Variants in SVBP observed in about 807,000 individuals in gnomAD.
SVBP encodes small vasohibin binding protein, also known as small vasohibin-binding protein.
SVBP carries 9 observed loss-of-function variants against 9.2 expected under a neutral mutation model. The observed-to-expected ratio is 0.98, with a 90% CI of 0.59 to 1.71. The LOEUF is 1.71. Ranked by LOEUF, SVBP falls within the 40% of genes most tolerant of loss-of-function variation. The pLI is 0.00. For synonymous variants in SVBP, 27 were observed against 23.9 expected (o/e 1.13, Z -0.37); for missense variants, 63 against 73.2 (o/e 0.86, Z 0.51).
At position 42,813,151 on chromosome 1, in the gene SVBP, TGAG is replaced by T. The variant is rs34028241; in HGVS notation, c.114+3277_114+3279del. 3.2e-3 allele frequency among the ~76,000 whole-genome samples: 483 copies of T among 152,334 alleles called. 6 individuals carry two copies. In the South Asian group the frequency reaches 0.032, roughly 10 times the overall value. On this transcript the variant is annotated intron_variant, in intron 2 of 2. Coordinates refer to ENST00000372521, the MANE Select transcript of SVBP (RefSeq NM_199342.4). Reference sequence around the variant, plus strand: ...AAAGCCATTTGAAAGTACTGAAGAATGAGGAGTATTTTTTTTCTACTGATGAAA... The same window carrying T: ...AAAGCCATTTGAAAGTACTGAAGAATGAGTATTTTTTTTCTACTGATGAAA...
chr1:42,813,282 C>A, intron 2 of SVBP: 1 of 279,140 alleles, frequency 3.6e-6, no homozygotes, highest in South Asian at 3.7e-5. Context: ...AGGGGATGCT[C>A]TTTTATAGCA....
Position 42,807,385 on chromosome 1 carries a change from A to G in SVBP, c.*29T>C, listed in dbSNP as rs762982553. Reference sequence around the variant, plus strand: ...CTGGCAACACCCTCTCAAAGCTCTCAGGATCCCATCTGGTTTGAACCTGGG... The same window carrying G: ...CTGGCAACACCCTCTCAAAGCTCTCGGGATCCCATCTGGTTTGAACCTGGG... On this transcript the variant is annotated 3_prime_UTR_variant, in exon 3 of 3. Coordinates refer to ENST00000372521, the MANE Select transcript of SVBP (RefSeq NM_199342.4). 9 of 1,568,834 alleles carry G rather than the reference A, an allele frequency of 5.7e-6. No individual in the cohort carries two copies. The highest frequency in any genetic ancestry group is 7.9e-6 in the Non-Finnish European group (9 of 1,139,394).
chr1:42,807,548 C>T (rs773085927), intron 2 of SVBP, 48 bp from the exon 3 acceptor site: 55 of 1,413,934 alleles, frequency 3.9e-5, no homozygotes, highest in Non-Finnish European at 5.4e-5. Flanking sequence ...AGCAGCTGCA[C>T]AAAGCATCTT....
intron 2 of SVBP, among the ~76,000 whole-genome samples, chr1:42,808,407 CTATA>C (rs1654013090): frequency 7.1e-6 from 1 of 141,018 alleles, no homozygotes; most frequent in Admixed American, 7.2e-5. Context: ...AGTATATAAG[CTATA>C]TATACTGTAT....
intron 1 of SVBP, chr1:42,816,821 TTAAG>T (rs1394882705): frequency 5.4e-6 from 2 of 371,870 alleles, no homozygotes; most frequent in East Asian, 1.3e-4. Context: ...GCAAAATGGG[TTAAG>T]TGTTTTCCTG....
chr1:42,814,213 C>G (rs1356034250), intron 2 of SVBP, among the ~76,000 whole-genome samples: 2 of 53,592 alleles, frequency 3.7e-5, no homozygotes, highest in African/African-American at 2.3e-4. Context: ...TCCCGAGTAG[C>G]TGGGACTACA....
chr1:42,808,933 G>A (rs1005771366), intron 2 of SVBP: 16 of 152,244 alleles, frequency 1.1e-4, no homozygotes, highest in Admixed American at 7.9e-4. Context: ...CTGGCCTCAT[G>A]TGATCCTCCC....
Position 42,808,180 on chromosome 1 carries a change from CAT to C in SVBP, c.115-682_115-681del, listed in dbSNP as rs59926355. Among the ~76,000 whole-genome samples the C allele has an allele frequency of 1.2e-3, 83 of 71,044 alleles. 4 individuals are homozygous for C. The highest frequency in any genetic ancestry group is 2.9e-3 in the African/African-American group (51 of 17,492). 46.6% of individuals were successfully genotyped at this position (71,044 alleles called of 152,430 possible). A position where few individuals can be genotyped will look rare whatever the true frequency, so the allele number is the denominator to read the frequency against. On this transcript the variant is annotated intron_variant, in intron 2 of 2. Transcript: ENST00000372521. ...ATATATATATATATATATATATATA[CAT>C]ACTATGTATAGTATATATAGCTTAT...
Position 42,816,411 on chromosome 1 carries a change from A to G in SVBP, c.114+20T>C. ...TCTCCAGCAGACTACAGGCATACAG[A>G]GCCTCCGCCTTAATCTCACCTCTGC... is the stretch of plus-strand genomic sequence containing the variant. On this transcript the variant is annotated intron_variant, in intron 2 of 2. Coordinates refer to ENST00000372521, the MANE Select transcript of SVBP (RefSeq NM_199342.4). The G allele has an allele frequency of 1.3e-6, 2 of 1,533,924 alleles. No homozygotes were observed. The highest frequency in any genetic ancestry group is 1.4e-5 in the African/African-American group (1 of 73,236).
intron 2 of SVBP, among the ~76,000 whole-genome samples, chr1:42,810,242 G>T (rs977186638): frequency 3.3e-5 from 5 of 152,046 alleles, no homozygotes; most frequent in Admixed American, 1.3e-4. Context: ...TCCGCCTCCT[G>T]GTTCAAGCAA....
intron 2 of SVBP, among the ~76,000 whole-genome samples, chr1:42,809,572 A>G (rs1224686328): frequency 6.6e-6 from 1 of 152,232 alleles, no homozygotes; most frequent in Non-Finnish European, 1.5e-5. Context: ...ACTCCGTGCC[A>G]ACACATTTGA....
intron 2 of SVBP, chr1:42,813,872 A>C: frequency 3.4e-6 from 1 of 298,086 alleles, no homozygotes; most frequent in South Asian, 3.1e-5. Flanking sequence ...TGGGAATGGG[A>C]AGGTAAAGGA....
intron 2 of SVBP, among the ~76,000 whole-genome samples, chr1:42,812,571 C>T (rs1108734): frequency 0.19 from 29,244 of 152,146 alleles, 3,510 homozygotes; most frequent in Non-Finnish European, 0.25. Flanking sequence ...AACATCCTCC[C>T]CTGGTAACGT....
chr1:42,817,050 G>GCC, intron 1 of SVBP, 140 bp downstream of exon 1: 1 of 165,684 alleles, frequency 6.0e-6, no homozygotes, highest in Non-Finnish European at 1.2e-5. Flanking sequence ...AGCCGGGCCC[G>GCC]CCCCCCACCG....
At chr1:42,812,409 G>C (rs774276588) in intron 2 of SVBP, among the ~76,000 whole-genome samples, 1 of 152,168 alleles carries the variant, frequency 6.6e-6, no homozygotes, top group Non-Finnish European at 1.5e-5. Flanking sequence ...GCTCTTAAAT[G>C]AGCAAAACCA....
Position 42,816,562 on chromosome 1 carries a change from T to C in SVBP, c.-18A>G, listed in dbSNP as rs745766902. On this transcript the variant is annotated 5_prime_UTR_variant, in exon 2 of 3. Coordinates refer to ENST00000372521, the MANE Select transcript of SVBP (RefSeq NM_199342.4). ...GGATCCATGGCTTGACTTCTGGATATTTCTTAGGAGGCTCTGATCTGGGTG... is the reference window on the plus strand; with the variant it reads ...GGATCCATGGCTTGACTTCTGGATACTTCTTAGGAGGCTCTGATCTGGGTG... The C allele has an allele frequency of 2.9e-5, 45 of 1,552,136 alleles. No homozygotes were observed. In the East Asian group the frequency reaches 7.4e-4, roughly 26 times the overall value.
At chr1:42,807,768 A>C (rs1653991002) in intron 2 of SVBP, among the ~76,000 whole-genome samples, 1 of 152,132 alleles carries the variant, frequency 6.6e-6, no homozygotes, top group Non-Finnish European at 1.5e-5. Flanking sequence ...GCATGTGGCC[A>C]ATTGAGATTG....
At chr1:42,814,084 C>T (rs1050325739) in intron 2 of SVBP, among the ~76,000 whole-genome samples, 1 of 146,940 alleles carries the variant, frequency 6.8e-6, no homozygotes, top group African/African-American at 2.6e-5. Context: ...ACTAGCAGTT[C>T]TTTTTCTTTT....
Position 42,816,499 on chromosome 1 carries a change from C to G in SVBP, c.46G>C (p.Val16Leu). 2.5e-6 allele frequency: 4 copies of G among 1,614,184 alleles called. No individual in the cohort carries two copies. The highest frequency in any genetic ancestry group is 3.4e-6 in the Non-Finnish European group (4 of 1,180,028). ...TGTTTGGCCTTCTCAACTCTGCTGACAGATTCTTTAACTTTGGTTTTTTCT... is the reference window on the plus strand; with the variant it reads ...TGTTTGGCCTTCTCAACTCTGCTGAGAGATTCTTTAACTTTGGTTTTTTCT... ...RKEKTKVKES[V>L]SRVEKAKQKS... Residue 16 changes from valine to leucine, a missense_variant, in exon 2 of 3, where the codon GTC becomes CTC. Transcript: ENST00000372521.
Sources: allele counts gnomAD v4.1 joint callset (sites outside exome capture counted in the v4.1 genomes callset), GRCh38; gene constraint gnomAD v4.1.1; transcripts MANE v1.5; gene names NCBI Gene and HGNC (gene_info 2026-07-23, HGNC 2026-07-21).